PARD3B: variants seen among roughly 807,000 people sequenced by gnomAD.
PARD3B encodes the protein par-3 family cell polarity regulator beta.
A neutral mutation model predicts 130.2 loss-of-function variants in PARD3B; 103 were observed. The observed-to-expected ratio is 0.79, with a 90% confidence interval of 0.67 to 0.93. The LOEUF is 0.93. Among genes scored for constraint, PARD3B ranks in the 40% least tolerant of loss-of-function variants. The pLI, the probability that PARD3B is intolerant of heterozygous loss-of-function variation, is 0.00. For missense variants in PARD3B, 1,609 were observed against 1,499.2 expected, an observed-to-expected ratio of 1.07 and a Z score of -1.21; for synonymous variants, 583 against 553.2, an observed-to-expected ratio of 1.05 and a Z score of -0.76.
intron 19 of PARD3B, among the ~76,000 whole-genome samples, chr2:205,435,845 T>G (rs2047494925): frequency 6.6e-6 from 1 of 152,156 alleles, no homozygotes; most frequent in Non-Finnish European, 1.5e-5. Flanking sequence ...TATTTAGTCT[T>G]AGTTTTATAT....
chr2:205,611,978 T>C (rs1259380290), intron 22 of PARD3B, among the ~76,000 whole-genome samples: 1 of 152,144 alleles, frequency 6.6e-6, no homozygotes, highest in African/African-American at 2.4e-5. Context: ...TCCGACACCG[T>C]GATGAGCATT....
chr2:204,642,663 T>A (rs35089360), intron 1 of PARD3B, among the ~76,000 whole-genome samples: 1 of 152,070 alleles, frequency 6.6e-6, no homozygotes, highest in East Asian at 1.9e-4. Context: ...CATTTTGATA[T>A]GTGATATGGT....
At chr2:205,114,703 A>G (rs557158488) in intron 6 of PARD3B, among the ~76,000 whole-genome samples, 3 of 151,634 alleles carry the variant, frequency 2.0e-5, no homozygotes, top group Admixed American at 1.3e-4. Flanking sequence ...TTTGGTTGGC[A>G]TCATATTCAG....
chr2:204,692,929 A>G (rs1234533189), intron 2 of PARD3B, among the ~76,000 whole-genome samples: 2 of 152,032 alleles, frequency 1.3e-5, no homozygotes, highest in African/African-American at 4.8e-5. Flanking sequence ...GTTATAGAAC[A>G]CGATGTCTGT....
intron 16 of PARD3B, among the ~76,000 whole-genome samples, chr2:205,247,478 C>A (rs759775413): frequency 9.9e-5 from 15 of 152,164 alleles, no homozygotes; most frequent in Non-Finnish European, 1.9e-4. Flanking sequence ...CACACAGGTT[C>A]ATTGCAAATT....
At chr2:205,500,318 G>C (rs1347019336) in intron 21 of PARD3B, among the ~76,000 whole-genome samples, 1 of 152,106 alleles carries the variant, frequency 6.6e-6, no homozygotes, top group African/African-American at 2.4e-5. Context: ...GAGGGCAAGG[G>C]ATCTTTGTCA....
intron 3 of PARD3B, among the ~76,000 whole-genome samples, chr2:205,012,070 T>A (rs2125310822): frequency 6.6e-6 from 1 of 152,226 alleles, no homozygotes; most frequent in South Asian, 2.1e-4. Flanking sequence ...CTTTCCTGGG[T>A]CCCTGCAACT....
intron 2 of PARD3B, among the ~76,000 whole-genome samples, chr2:204,722,593 G>A (rs973567656): frequency 6.6e-6 from 1 of 152,134 alleles, no homozygotes; most frequent in South Asian, 2.1e-4. Context: ...AGAGATACGA[G>A]GCTTTAGGGC....
At chr2:205,153,976 A>G (rs1229436587) in intron 10 of PARD3B, among the ~76,000 whole-genome samples, 3 of 152,246 alleles carry the variant, frequency 2.0e-5, no homozygotes, top group African/African-American at 7.2e-5. Context: ...CATTCAGGAC[A>G]TAGGCATGGG....
rs140209766 is a variant in PARD3B at position 205,024,976 on chromosome 2, A to G, written c.395-22605A>G. Among the ~76,000 whole-genome samples the G allele has an allele frequency of 1.4e-3, 211 of 152,296 alleles. 1 individual carries two copies. Among genetic ancestry groups the G allele is most frequent in the African/African-American group, 4.9e-3 (203 of 41,562 alleles). On this transcript the variant is annotated intron_variant, in intron 3 of 22. Transcript: ENST00000406610. ...ACTGGCTTTTTGCAGGAGTGTTTAC[A>G]TATCATTCATGCCACCAAGAGAAGA...
At chr2:205,180,443 G>A (rs532504420) in intron 13 of PARD3B, among the ~76,000 whole-genome samples, 2 of 152,106 alleles carry the variant, frequency 1.3e-5, no homozygotes, top group East Asian at 3.9e-4. Flanking sequence ...ATGTCAGGTG[G>A]TAACAGGCCA....
At chr2:205,487,143 C>A (rs926367253) in intron 20 of PARD3B, among the ~76,000 whole-genome samples, 1 of 152,142 alleles carries the variant, frequency 6.6e-6, no homozygotes, top group African/African-American at 2.4e-5. Flanking sequence ...GAATGTATAT[C>A]CTTTAACAGT....
At chr2:205,527,994 C>G (rs1325941926) in intron 21 of PARD3B, among the ~76,000 whole-genome samples, 1 of 152,178 alleles carries the variant, frequency 6.6e-6, no homozygotes, top group Non-Finnish European at 1.5e-5. Context: ...CATGGTCCAT[C>G]ATGCATCAGG....
intron 1 of PARD3B, among the ~76,000 whole-genome samples, chr2:204,679,175 G>A (rs928316512): frequency 6.6e-6 from 1 of 152,086 alleles, no homozygotes; most frequent in Non-Finnish European, 1.5e-5. Flanking sequence ...TGGACATACT[G>A]TAGTTTATAC....
chr2:204,580,271 G>A (rs914008817), intron 1 of PARD3B, among the ~76,000 whole-genome samples: 7 of 152,024 alleles, frequency 4.6e-5, no homozygotes, highest in Admixed American at 6.6e-5. Flanking sequence ...TCCATCCTCC[G>A]TCCTGGACTG....
At chr2:205,144,257 A>ATACC (rs2033187991) in intron 10 of PARD3B, among the ~76,000 whole-genome samples, 1 of 152,222 alleles carries the variant, frequency 6.6e-6, no homozygotes, top group South Asian at 2.1e-4. Context: ...GAGCAGACGT[A>ATACC]TACCTAATTC....
chr2:205,499,316 TA>T (rs35087383), intron 20 of PARD3B, among the ~76,000 whole-genome samples: 69,936 of 145,364 alleles, frequency 0.48, 17,335 homozygotes, highest in Middle Eastern at 0.66. Flanking sequence ...TCCCCCACCT[TA>T]AAAAAAAAAA....
At chr2:204,584,296 AT>A (rs2125085645) in intron 1 of PARD3B, among the ~76,000 whole-genome samples, 1 of 152,266 alleles carries the variant, frequency 6.6e-6, no homozygotes, top group South Asian at 2.1e-4. Context: ...GCTACTGGGA[AT>A]TTTTGCGGTA....
chr2:205,507,640 G>T (rs2050425164), intron 21 of PARD3B, among the ~76,000 whole-genome samples: 2 of 152,110 alleles, frequency 1.3e-5, no homozygotes, highest in Non-Finnish European at 2.9e-5. Context: ...AAATCAAGGT[G>T]CTGTTAACAG....
Sources: allele counts gnomAD v4.1 joint callset (sites outside exome capture counted in the v4.1 genomes callset), GRCh38; gene constraint gnomAD v4.1.1; transcripts MANE v1.5; gene names NCBI Gene and HGNC (gene_info 2026-07-23, HGNC 2026-07-21).